Variants in LRFN5 observed in about 807,000 individuals in gnomAD.
LRFN5 encodes leucine rich repeat and fibronectin type III domain containing 5.
Under a neutral mutation model 45.6 loss-of-function variants are expected in LRFN5, and 24 were observed. That is an observed-to-expected ratio of 0.53 (90% CI 0.38 to 0.74). LRFN5 has a LOEUF of 0.74. Ranked by LOEUF, LRFN5 falls within the 30% of genes least tolerant of loss-of-function variation. LRFN5 has a pLI of 0.00. For missense variants in LRFN5, 776 were observed against 861.5 expected (o/e 0.90, Z 1.24); for synonymous variants, 340 against 313.8 (o/e 1.08, Z -0.88).
chr14:41,738,528 A>G (rs1277811757), intron 1 of LRFN5, among the ~76,000 whole-genome samples: 1 of 152,152 alleles, frequency 6.6e-6, no homozygotes, highest in African/African-American at 2.4e-5. Context: ...AAATGACAGG[A>G]TTCTGGGTAT....
At chr14:41,611,088 G>T (rs1887741574) in intron 1 of LRFN5, among the ~76,000 whole-genome samples, 1 of 152,064 alleles carries the variant, frequency 6.6e-6, no homozygotes, top group Non-Finnish European at 1.5e-5. Context: ...CTCGATTTTT[G>T]CAGGTTAAGC....
Position 41,876,528 on chromosome 14 carries a change from C to A in LRFN5, c.-20-10078C>A, listed in dbSNP as rs548182680. Among the ~76,000 whole-genome samples the A allele has an allele frequency of 5.9e-5, 9 of 151,672 alleles. No individual in the cohort carries two copies. In the East Asian group the frequency reaches 1.8e-3, roughly 30 times the overall value. Reference sequence around the variant, plus strand: ...AGCCAGGATGGTCTCAATCTCCTGACCTCGTGATCCACCCGCCTTGGCCTC... The same window carrying A: ...AGCCAGGATGGTCTCAATCTCCTGAACTCGTGATCCACCCGCCTTGGCCTC... On this transcript the variant is annotated intron_variant, in intron 2 of 5. Transcript: ENST00000298119.
chr14:41,900,663 C>T (rs1229232958), intron 5 of LRFN5, among the ~76,000 whole-genome samples: 3 of 152,090 alleles, frequency 2.0e-5, no homozygotes, highest in African/African-American at 7.2e-5. Context: ...CCATACATCA[C>T]TCACTTATTA....
At chr14:41,655,722 G>C (rs1880348894) in intron 1 of LRFN5, among the ~76,000 whole-genome samples, 1 of 152,010 alleles carries the variant, frequency 6.6e-6, no homozygotes, top group Admixed American at 6.6e-5. Flanking sequence ...CATATGTGAT[G>C]TAGGCAGTGG....
intron 1 of LRFN5, among the ~76,000 whole-genome samples, chr14:41,754,083 T>C (rs1278467749): frequency 6.6e-6 from 1 of 152,250 alleles, no homozygotes; most frequent in African/African-American, 2.4e-5. Flanking sequence ...TTTACGTATA[T>C]TGAACCAGCG....
rs533794726 is a variant in LRFN5 at position 41,783,501 on chromosome 14, G to GT, written c.-21+16479dup. Among the ~76,000 whole-genome samples the GT allele has an allele frequency of 4.1e-3, 626 of 152,160 alleles. 5 individuals carry two copies. Among genetic ancestry groups the GT allele is most frequent in the African/African-American group, 0.014 (597 of 41,532 alleles). ...TAAGGCCTGGAATGACAGCATCCAA[G>GT]TTTTTTTACAGCTAAAACCTTATCA... On this transcript the variant is annotated intron_variant, in intron 2 of 5. Coordinates refer to ENST00000298119, the MANE Select transcript of LRFN5 (RefSeq NM_152447.5).
At chr14:41,869,615 A>T (rs1889951740) in intron 2 of LRFN5, among the ~76,000 whole-genome samples, 1 of 152,142 alleles carries the variant, frequency 6.6e-6, no homozygotes, top group Non-Finnish European at 1.5e-5. Flanking sequence ...TGGATAATTT[A>T]TAAAGAAAAA....
intron 1 of LRFN5, among the ~76,000 whole-genome samples, chr14:41,667,293 TGTA>T (rs771262171): frequency 5.3e-5 from 8 of 152,176 alleles, no homozygotes; most frequent in Non-Finnish European, 1.0e-4. Context: ...ACACCTAGAT[TGTA>T]GTCAATTCTT....
chr14:41,666,219 T>C (rs967164205), intron 1 of LRFN5, among the ~76,000 whole-genome samples: 38 of 152,152 alleles, frequency 2.5e-4, no homozygotes, highest in African/African-American at 9.1e-4. Flanking sequence ...TAATCTCTAC[T>C]TCTACTTTTT....
At chr14:41,678,461 T>C (rs989063382) in intron 1 of LRFN5, among the ~76,000 whole-genome samples, 6 of 152,104 alleles carry the variant, frequency 3.9e-5, no homozygotes, top group African/African-American at 1.4e-4. Context: ...GGGATTTCAA[T>C]ACCCCATTTT....
rs139262328 is a variant in LRFN5, at chr14:41,661,325, A to G, written c.-197+52763A>G. Among the ~76,000 whole-genome samples, 220 of 152,108 alleles carry G rather than the reference A, an allele frequency of 1.4e-3. 1 individual carries two copies. The highest frequency in any genetic ancestry group is 5.7e-4 in the Non-Finnish European group (39 of 67,946). ...CAATATTTTTCAAATTTTGCTCTTCATAAGAAACACCCAGGATGCTTTTCA... is the reference window on the plus strand; with the variant it reads ...CAATATTTTTCAAATTTTGCTCTTCGTAAGAAACACCCAGGATGCTTTTCA... On this transcript the variant is annotated intron_variant, in intron 1 of 5. Coordinates refer to ENST00000298119, the MANE Select transcript of LRFN5 (RefSeq NM_152447.5).
At chr14:41,669,015 G>A (rs1881038747) in intron 1 of LRFN5, among the ~76,000 whole-genome samples, 1 of 152,112 alleles carries the variant, frequency 6.6e-6, no homozygotes, top group Non-Finnish European at 1.5e-5. Context: ...AAATCAGGAT[G>A]AATAATCTTG....
chr14:41,738,068 A>G (rs1884521625), intron 1 of LRFN5, among the ~76,000 whole-genome samples: 1 of 152,192 alleles, frequency 6.6e-6, no homozygotes, highest in Non-Finnish European at 1.5e-5. Context: ...ACAAAGCTGG[A>G]GGCATCACAT....
At chr14:41,673,025 GTTAT>G (rs200316442) in intron 1 of LRFN5, among the ~76,000 whole-genome samples, 11,485 of 151,518 alleles carry the variant, frequency 0.076, 744 homozygotes, top group African/African-American at 0.18. Context: ...TTATGATTTT[GTTAT>G]TTATTTATTT....
At chr14:41,688,071 A>C (rs1211252122) in intron 1 of LRFN5, among the ~76,000 whole-genome samples, 1 of 152,214 alleles carries the variant, frequency 6.6e-6, no homozygotes, top group African/African-American at 2.4e-5. Flanking sequence ...GCACAAAAAG[A>C]CAAACTTTAC....
At chr14:41,611,844 C>A (rs2138538685) in intron 1 of LRFN5, among the ~76,000 whole-genome samples, 1 of 152,244 alleles carries the variant, frequency 6.6e-6, no homozygotes, top group Admixed American at 6.5e-5. Flanking sequence ...TTTCCTTTTT[C>A]TCAAGAGGCG....
chr14:41,762,359 A>G (rs1885707941), intron 1 of LRFN5, among the ~76,000 whole-genome samples: 2 of 152,102 alleles, frequency 1.3e-5, no homozygotes, highest in African/African-American at 4.8e-5. Flanking sequence ...TAAGCAATAA[A>G]TGCTCTAGCA....
chr14:41,819,130 T>A (rs560540382), intron 2 of LRFN5, among the ~76,000 whole-genome samples: 8 of 152,332 alleles, frequency 5.3e-5, no homozygotes, highest in African/African-American at 1.9e-4. Flanking sequence ...TTTAATCGAA[T>A]TATCCATTGG....
At chr14:41,730,366 A>G (rs1424811340) in intron 1 of LRFN5, among the ~76,000 whole-genome samples, 1 of 152,038 alleles carries the variant, frequency 6.6e-6, no homozygotes. Context: ...ATAATATGCA[A>G]ACTTACTTTT....
Sources: gnomAD v4.1 joint callset for allele counts (sites outside exome capture counted in the v4.1 genomes callset) on GRCh38, gnomAD v4.1.1 for gene constraint, MANE v1.5 for transcripts, NCBI Gene and HGNC (gene_info 2026-07-23, HGNC 2026-07-21) for gene names.